KDM4C: variants seen among roughly 807,000 people sequenced by gnomAD.
KDM4C encodes the protein lysine-specific demethylase 4C.
KDM4C carries 81 observed loss-of-function variants against 129.3 expected under a neutral mutation model. That is an observed-to-expected ratio of 0.63 (90% CI 0.52 to 0.75). The LOEUF is 0.75. Among genes scored for constraint, KDM4C ranks in the 30% least tolerant of loss-of-function variants. The pLI, the probability that KDM4C is intolerant of heterozygous loss-of-function variation, is 0.00. For synonymous variants in KDM4C, 573 were observed against 456.1 expected, an observed-to-expected ratio of 1.26 and a Z score of -3.26; for missense variants, 1,457 against 1,304.0, an observed-to-expected ratio of 1.12 and a Z score of -1.81.
chr9:7,006,315 A>G (rs915531981), intron 12 of KDM4C, among the ~76,000 whole-genome samples: 4 of 152,130 alleles, frequency 2.6e-5, no homozygotes, highest in Non-Finnish European at 5.9e-5. Context: ...CCTTCTCATA[A>G]CATGTCCTGT....
intron 19 of KDM4C, among the ~76,000 whole-genome samples, chr9:7,134,487 A>G (rs1038367576): frequency 1.3e-5 from 2 of 152,228 alleles, no homozygotes; most frequent in Non-Finnish European, 2.9e-5. Flanking sequence ...CATTTTAACT[A>G]TGATTATAAA....
intron 19 of KDM4C, among the ~76,000 whole-genome samples, chr9:7,140,625 C>A (rs374126357): frequency 6.6e-6 from 1 of 152,158 alleles, no homozygotes; most frequent in South Asian, 2.1e-4. Context: ...CATGGATTCT[C>A]TAGTCAAGAA....
intron 11 of KDM4C, among the ~76,000 whole-genome samples, chr9:6,989,088 A>C (rs1818268511): frequency 6.6e-6 from 1 of 152,312 alleles, no homozygotes; most frequent in Non-Finnish European, 1.5e-5. Context: ...TAGTGTGTTG[A>C]TATGTCTTCT....
At position 7,076,007 on chromosome 9, in the gene KDM4C, G is replaced by A. The variant is rs1833865750; in HGVS notation, c.2424+26807G>A. On this transcript the variant is annotated intron_variant, in intron 17 of 21. Coordinates refer to ENST00000381309, the MANE Select transcript of KDM4C (RefSeq NM_015061.6). ...AAAAGAACAGCAACACAGCTTATGG[G>A]ATAGAACGAACATTTATGGCATGTG... 2.0e-5 allele frequency among the ~76,000 whole-genome samples: 3 copies of A among 152,128 alleles called. No individual in the cohort carries two copies. The South Asian group carries it at 6.2e-4, about 32-fold the overall frequency.
intron 8 of KDM4C, chr9:6,925,245 T>C: frequency 2.0e-6 from 2 of 985,368 alleles, no homozygotes; most frequent in Non-Finnish European, 2.4e-6. Context: ...TCAGACGGAA[T>C]AATTATGAAC....
At chr9:7,002,271 C>T (rs911061060) in intron 12 of KDM4C, among the ~76,000 whole-genome samples, 1 of 152,114 alleles carries the variant, frequency 6.6e-6, no homozygotes, top group East Asian at 1.9e-4. Context: ...TTTATATTAC[C>T]TAGCATATGG....
intron 15 of KDM4C, 46 bp downstream of exon 15, chr9:7,015,975 C>T: frequency 7.4e-7 from 1 of 1,346,122 alleles, no homozygotes; most frequent in Non-Finnish European, 1.1e-6. Context: ...TCCCACCCTA[C>T]CCACTGTGGA....
intron 21 of KDM4C, chr9:7,170,852 A>G (rs1252049325): frequency 2.7e-6 from 2 of 727,810 alleles, no homozygotes; most frequent in East Asian, 2.7e-4. Context: ...TCCCTGGGCC[A>G]TACTTGAAGA....
chr9:7,061,376 C>A (rs185051610), intron 17 of KDM4C, among the ~76,000 whole-genome samples: 1 of 152,206 alleles, frequency 6.6e-6, no homozygotes. Flanking sequence ...TTTTTGACTG[C>A]CTGTCATCTA....
chr9:6,996,027 G>T (rs1819676300), intron 12 of KDM4C, among the ~76,000 whole-genome samples: 1 of 152,160 alleles, frequency 6.6e-6, no homozygotes, highest in South Asian at 2.1e-4. Flanking sequence ...TTATTACATG[G>T]ATATACTGCA....
chr9:7,049,434 A>G lies in KDM4C; in HGVS notation c.2424+234A>G, dbSNP rs142128559. Among the ~76,000 whole-genome samples, 46 of 152,250 alleles carry G rather than the reference A, an allele frequency of 3.0e-4. 1 individual carries two copies. In the East Asian group the frequency reaches 7.7e-3, roughly 26 times the overall value. On this transcript the variant is annotated intron_variant, in intron 17 of 21. Coordinates refer to ENST00000381309, the MANE Select transcript of KDM4C (RefSeq NM_015061.6). ...TGTCTGAAATGAGGAAAAAGATAGT[A>G]ATACATTTCCTGAATTAATGTGAAC...
intron 8 of KDM4C, among the ~76,000 whole-genome samples, chr9:6,906,893 C>G (rs1818418468): frequency 6.6e-6 from 1 of 152,174 alleles, no homozygotes; most frequent in African/African-American, 2.4e-5. Flanking sequence ...AACAGCATTG[C>G]ATAGTATTGT....
intron 17 of KDM4C, among the ~76,000 whole-genome samples, chr9:7,057,124 T>C (rs918621684): frequency 6.6e-6 from 1 of 152,252 alleles, no homozygotes; most frequent in African/African-American, 2.4e-5. Flanking sequence ...TTTCATATTT[T>C]AATATAAATT....
intron 18 of KDM4C, among the ~76,000 whole-genome samples, chr9:7,121,540 A>G (rs1204009482): frequency 1.3e-5 from 2 of 152,192 alleles, no homozygotes; most frequent in Non-Finnish European, 2.9e-5. Context: ...GGATCTACAA[A>G]GTCGTATGCA....
chr9:6,929,891 C>T (rs1823354690), intron 8 of KDM4C, among the ~76,000 whole-genome samples: 1 of 152,150 alleles, frequency 6.6e-6, no homozygotes, highest in Non-Finnish European at 1.5e-5. Context: ...CAACCCTCTG[C>T]CAATTCTTTC....
chr9:6,784,465 C>G (rs1017546852), intron 1 of KDM4C, among the ~76,000 whole-genome samples: 3 of 152,126 alleles, frequency 2.0e-5, no homozygotes, highest in Admixed American at 6.5e-5. Context: ...CTCCTGACCT[C>G]CAGTGGTCCA....
At chr9:6,801,051 A>C (rs1388298915) in intron 2 of KDM4C, among the ~76,000 whole-genome samples, 1 of 152,046 alleles carries the variant, frequency 6.6e-6, no homozygotes, top group Non-Finnish European at 1.5e-5. Flanking sequence ...TTTTTGAGCT[A>C]ACAACTCTCA....
At chr9:7,047,196 A>G (rs1829527658) in intron 16 of KDM4C, among the ~76,000 whole-genome samples, 2 of 152,074 alleles carry the variant, frequency 1.3e-5, no homozygotes, top group South Asian at 2.1e-4. Flanking sequence ...GAGTTAGCCC[A>G]TATCATCCAG....
chr9:7,120,461 T>C lies in KDM4C; in HGVS notation c.2611-7605T>C, dbSNP rs150508113. Among the ~76,000 whole-genome samples, 351 of 152,274 alleles carry C rather than the reference T, an allele frequency of 2.3e-3. 2 individuals are homozygous for C. Among genetic ancestry groups the C allele is most frequent in the African/African-American group, 8.0e-3 (333 of 41,560 alleles). ...AGAAAACTCTTCTACATTTGAACAA[T>C]TGGATCTTATTATTAGTGCTGTCCC... On this transcript the variant is annotated intron_variant, in intron 18 of 21. Coordinates refer to ENST00000381309, the MANE Select transcript of KDM4C (RefSeq NM_015061.6).
Sources: allele counts gnomAD v4.1 joint callset (sites outside exome capture counted in the v4.1 genomes callset), GRCh38; gene constraint gnomAD v4.1.1; transcripts MANE v1.5; gene names NCBI Gene and HGNC (gene_info 2026-07-23, HGNC 2026-07-21).